PPFIA4: variants seen among roughly 807,000 people sequenced by gnomAD.
PPFIA4 encodes the protein liprin-alpha-4.
PPFIA4 carries 98 observed loss-of-function variants against 145.7 expected under a neutral mutation model. The observed-to-expected ratio is 0.67, with a 90% CI of 0.57 to 0.80. PPFIA4 has a LOEUF of 0.80. PPFIA4 is among the 30% of genes least tolerant of loss of function. The pLI is 0.00. For missense variants in PPFIA4, 1,457 were observed against 1,632.7 expected (o/e 0.89, Z 1.85); for synonymous variants, 628 against 649.6 (o/e 0.97, Z 0.51).
At chr1:203,035,564 C>T in intron 1 of PPFIA4, 1 of 456,878 alleles carries the variant, frequency 2.2e-6, no homozygotes, top group Non-Finnish European at 4.4e-6. Context: ...CACAGCCTGC[C>T]CACACTCCTC....
rs775558793 is a variant in PPFIA4, at chr1:203,059,212, GC to G, written c.2444del (p.Pro815LeufsTer17). Reference protein sequence around the residue: ...LTDSEFSMQEPMVPAKLGTQA... With the variant: ...LTDSEFSMQEXMVPAKLGTQA... The stretch of plus-strand genomic sequence containing the variant: ...CAGACTCCGAATTCAGTATGCAGGA[GC>G]CTATGGTGCCTGCCAAGCTGGGGAC... On this transcript the variant is annotated frameshift_variant, in exon 20 of 30. Coordinates refer to ENST00000295706, the MANE Select transcript of PPFIA4 (RefSeq NM_001304331.2). LOFTEE classifies it high-confidence loss of function. 3 of 1,552,770 alleles carry G rather than the reference GC, an allele frequency of 1.9e-6. No individual in the cohort carries two copies. Among genetic ancestry groups the G allele is most frequent in the Non-Finnish European group, 2.6e-6 (3 of 1,139,666 alleles).
intron 24 of PPFIA4, chr1:203,063,119 G>A (rs1310412743): frequency 6.6e-6 from 1 of 152,020 alleles, no homozygotes; most frequent in Non-Finnish European, 1.5e-5. Context: ...AGGTAGGGTC[G>A]CTATGAAAAC....
intron 12 of PPFIA4, 76 bp downstream of exon 12, chr1:203,049,056 G>A (rs1462185204): frequency 3.6e-6 from 5 of 1,384,208 alleles, no homozygotes; most frequent in Non-Finnish European, 4.0e-6. Flanking sequence ...TGCTTTTAAC[G>A]CTGCTGCTCT....
At chr1:203,044,932 C>T (rs1181381918) in intron 6 of PPFIA4, 147 bp downstream of exon 6, 11 of 734,042 alleles carry the variant, frequency 1.5e-5, no homozygotes, top group African/African-American at 3.5e-5. Flanking sequence ...TTCTTCTTCT[C>T]CCTACCCCAT....
In PPFIA4 at chr1:203,044,109, C is replaced by T. The variant is rs1009069887; in HGVS notation, c.501+14C>T. 8.3e-6 allele frequency: 13 copies of T among 1,559,530 alleles called. No individual in the cohort carries two copies. The highest frequency in any genetic ancestry group is 2.7e-5 in the African/African-American group (2 of 73,530). On this transcript the variant is annotated intron_variant, in intron 4 of 29. Transcript: ENST00000295706. The stretch of plus-strand genomic sequence containing the variant: ...CTGGATGAGAAGGTGCCCACCTGCC[C>T]GCCAGCCCCCACATCCAGCCAGGCT...
In PPFIA4 at chr1:203,048,087, A is replaced by G. The variant is rs1660210754; in HGVS notation, c.1141-140A>G. 5 of 720,690 alleles carry G rather than the reference A, an allele frequency of 6.9e-6. No individual in the cohort carries two copies. Among genetic ancestry groups the G allele is most frequent in the Non-Finnish European group, 1.2e-5 (5 of 416,832 alleles). The allele number at this position is 720,690 out of a possible 1,614,324, so 44.6% of individuals were successfully genotyped here. A position where few individuals can be genotyped will look rare whatever the true frequency, so the allele number is the denominator to read the frequency against. ...ATGGGGATGGTGGTCCTGCTCCAAGATGATAAGTGGAGGCTGAGCGTCACT... is the reference window on the plus strand; with the variant it reads ...ATGGGGATGGTGGTCCTGCTCCAAGGTGATAAGTGGAGGCTGAGCGTCACT... On this transcript the variant is annotated intron_variant, in intron 9 of 29. Coordinates refer to ENST00000295706, the MANE Select transcript of PPFIA4 (RefSeq NM_001304331.2). The surrounding 1 kb of genome is among the most constrained non-coding windows in gnomAD (Gnocchi z 5.8).
At chr1:203,067,176 C>T (rs1661778515) in intron 25 of PPFIA4, among the ~76,000 whole-genome samples, 1 of 152,146 alleles carries the variant, frequency 6.6e-6, no homozygotes, top group Admixed American at 6.5e-5. Flanking sequence ...CCTGCAGGCC[C>T]AGTGAGCCTG....
intron 2 of PPFIA4, 41 bp downstream of exon 2, chr1:203,039,283 T>C (rs1312296070): frequency 7.6e-6 from 11 of 1,451,166 alleles, no homozygotes; most frequent in Non-Finnish European, 1.0e-5. Flanking sequence ...CCCCTTTCCC[T>C]CCTCTAGCCC....
intron 2 of PPFIA4, among the ~76,000 whole-genome samples, chr1:203,040,280 G>C (rs1439803406): frequency 6.6e-6 from 1 of 152,220 alleles, no homozygotes; most frequent in Non-Finnish European, 1.5e-5. Context: ...AAAGCCAGCT[G>C]TGGACACATG....
At chr1:203,051,426 A>G (rs1660497190) in intron 13 of PPFIA4, 1 of 748,566 alleles carries the variant, frequency 1.3e-6, no homozygotes, top group Admixed American at 5.5e-5. Context: ...AGATGGCCGG[A>G]GAGCCTCTGC....
intron 19 of PPFIA4, among the ~76,000 whole-genome samples, chr1:203,058,197 G>A (rs1661108263): frequency 6.6e-6 from 1 of 152,156 alleles, no homozygotes; most frequent in Admixed American, 6.5e-5. Flanking sequence ...ACAGCTAGCT[G>A]GCTGAGGAGG....
rs756360124 is a variant in PPFIA4 at position 203,045,576 on chromosome 1, G to T, written c.858+17G>T. The T allele has an allele frequency of 3.2e-6, 5 of 1,555,556 alleles. No homozygotes were observed. The highest frequency in any genetic ancestry group is 1.8e-4 in the Middle Eastern group (1 of 5,524). ...CTCCGGGAGGTGCGTGAGGGCGCAG[G>T]CCTGCTCTGTGACCTCATTGTGGAG... On this transcript the variant is annotated intron_variant, in intron 7 of 29. Transcript: ENST00000295706.
rs1404177357 is a variant in PPFIA4, at chr1:203,066,668, G to T, written c.3051-1027G>T. 2.6e-5 allele frequency among the ~76,000 whole-genome samples: 4 copies of T among 152,252 alleles called. No individual in the cohort carries two copies. In the East Asian group the frequency reaches 7.7e-4, roughly 29 times the overall value. ...GGGAGCGTGGACTGATGGCCTCCAG[G>T]GTTCCTTCTGACCCACAGAATCTGT... is the stretch of plus-strand genomic sequence containing the variant. On this transcript the variant is annotated intron_variant, in intron 25 of 29. Coordinates refer to ENST00000295706, the MANE Select transcript of PPFIA4 (RefSeq NM_001304331.2).
At chr1:203,069,248 T>G (rs887606377) in intron 27 of PPFIA4, among the ~76,000 whole-genome samples, 2 of 152,224 alleles carry the variant, frequency 1.3e-5, no homozygotes, top group African/African-American at 2.4e-5. Context: ...CCTATTTATA[T>G]TTTTGGCCTT....
At chr1:203,073,349 C>A (rs1025073911) in intron 28 of PPFIA4, among the ~76,000 whole-genome samples, 5 of 152,192 alleles carry the variant, frequency 3.3e-5, no homozygotes, top group African/African-American at 1.2e-4. Flanking sequence ...GGCCTATCAG[C>A]CTCCAGACAT....
At chr1:203,064,551 G>A (rs111801011) in intron 25 of PPFIA4, among the ~76,000 whole-genome samples, 2 of 152,296 alleles carry the variant, frequency 1.3e-5, no homozygotes, top group African/African-American at 4.8e-5. Context: ...AAGTGTCTGC[G>A]GCGCAGGTCC....
chr1:203,067,484 G>C, intron 25 of PPFIA4: 1 of 517,984 alleles, frequency 1.9e-6, no homozygotes, highest in South Asian at 2.8e-5. Context: ...CCCTGACTGA[G>C]AGGGAGGATA....
At chr1:203,028,761 A>G (rs567901758) in intron 1 of PPFIA4, among the ~76,000 whole-genome samples, 4 of 152,044 alleles carry the variant, frequency 2.6e-5, no homozygotes, top group Non-Finnish European at 5.9e-5. Flanking sequence ...TCTGGGTCCT[A>G]CGTAGGGAAT....
intron 23 of PPFIA4, 81 bp from the exon 24 acceptor site, chr1:203,061,571 C>A: frequency 1.4e-6 from 2 of 1,409,668 alleles, no homozygotes; most frequent in South Asian, 1.4e-5. Context: ...TTTTTCCTCT[C>A]CTTGATGGGG....
Sources: gnomAD v4.1 joint callset for allele counts (sites outside exome capture counted in the v4.1 genomes callset) on GRCh38, gnomAD v4.1.1 for gene constraint, Gnocchi (gnomAD v3.1) non-coding constraint, MANE v1.5 for transcripts, NCBI Gene and HGNC (gene_info 2026-07-23, HGNC 2026-07-21) for gene names.